The following PDLIM1 variants were observed in gnomAD, a reference collection of about 807,000 sequenced individuals.
PDLIM1 encodes the protein PDZ and LIM domain protein 1.
Under a neutral mutation model 35.2 loss-of-function variants are expected in PDLIM1, and 25 were observed. That is an observed-to-expected ratio of 0.71 (90% confidence interval 0.52 to 0.99). The LOEUF (loss-of-function observed/expected upper bound fraction) is 0.99, where lower values mean the gene tolerates loss of function less well. PDLIM1 is among the 50% of genes least tolerant of loss of function. The pLI, the probability that PDLIM1 is intolerant of heterozygous loss-of-function variation, is 0.00. For synonymous variants in PDLIM1, 152 were observed against 154.0 expected, an observed-to-expected ratio of 0.99 and a Z score of 0.10; for missense variants, 363 against 415.3, an observed-to-expected ratio of 0.87 and a Z score of 1.09.
intron 1 of PDLIM1, among the ~76,000 whole-genome samples, chr10:95,283,373 T>C (rs1342020507): frequency 6.6e-6 from 1 of 152,164 alleles, no homozygotes; most frequent in African/African-American, 2.4e-5. Flanking sequence ...TCCAAGAACA[T>C]ACAAGCTAGT....
At chr10:95,259,719 A>C (rs1243892116) in intron 4 of PDLIM1, among the ~76,000 whole-genome samples, 1 of 152,218 alleles carries the variant, frequency 6.6e-6, no homozygotes, top group Non-Finnish European at 1.5e-5. Context: ...GCCAGGGTTA[A>C]CATCATCCTT....
At chr10:95,247,110 C>A (rs2035228098) in intron 5 of PDLIM1, 105 bp downstream of exon 5, 7 of 927,616 alleles carry the variant, frequency 7.5e-6, no homozygotes, top group South Asian at 1.8e-5. Context: ...AAAGCCCATG[C>A]CCTCCAAAGC....
At chr10:95,252,750 G>T (rs1042140304) in intron 4 of PDLIM1, among the ~76,000 whole-genome samples, 1 of 152,254 alleles carries the variant, frequency 6.6e-6, no homozygotes, top group African/African-American at 2.4e-5. Flanking sequence ...TAAAACCACA[G>T]TGGATACACT....
chr10:95,265,910 C>A (rs144233990), intron 3 of PDLIM1, among the ~76,000 whole-genome samples: 3 of 147,468 alleles, frequency 2.0e-5, no homozygotes, highest in East Asian at 2.0e-4. Context: ...CCTAAAAAAA[C>A]AAAACAGGCC....
At chr10:95,239,249 C>T (rs11188244) in intron 5 of PDLIM1, among the ~76,000 whole-genome samples, 52,543 of 152,018 alleles carry the variant, frequency 0.35, 9,597 homozygotes, top group Middle Eastern at 0.51. Context: ...AAAAACACTA[C>T]AAGAAAATCT....
At chr10:95,274,095 G>A (rs986646272) in intron 1 of PDLIM1, among the ~76,000 whole-genome samples, 2 of 151,930 alleles carry the variant, frequency 1.3e-5, no homozygotes, top group Admixed American at 1.3e-4. Context: ...TAACAAGGCC[G>A]CTAAAGCCAG....
At chr10:95,248,392 G>C (rs976267711) in intron 4 of PDLIM1, among the ~76,000 whole-genome samples, 2 of 152,172 alleles carry the variant, frequency 1.3e-5, no homozygotes, top group African/African-American at 4.8e-5. Flanking sequence ...AGGACTACAG[G>C]TGTGCCACCA....
At position 95,263,875 on chromosome 10, in the gene PDLIM1, C is replaced by G. The variant is rs777131171; in HGVS notation, c.522G>C (p.Ala174=). 1.2e-6 allele frequency: 2 copies of G among 1,611,700 alleles called. No individual in the cohort carries two copies. Among genetic ancestry groups the G allele is most frequent in the East Asian group, 4.5e-5 (2 of 44,878 alleles). Residue 174 remains alanine (A), a synonymous_variant, in exon 4 of 7, where the codon GCG becomes GCC. Transcript: ENST00000329399. ...ESKTAASGVE[A]NSRPLDHAQP... ...CCTGGGCTACTTACGGTCTGCTGTT[C>G]GCCTCCACCCCGCTGGCAGCAGTCT...
chr10:95,238,693 G>A lies in PDLIM1; in HGVS notation c.686-8C>T, dbSNP rs190654687. On this transcript the variant is annotated splice_polypyrimidine_tract_variant and splice_region_variant and intron_variant, in intron 5 of 6. Transcript: ENST00000329399. ...AGGGCTTGTTGGGATCCCCTGAAAT[G>A]AGGAAAACACTGTCATTGGCCAGGA... 5 of 1,559,662 alleles carry A rather than the reference G, an allele frequency of 3.2e-6. No homozygotes were observed. The highest frequency in any genetic ancestry group is 2.7e-5 in the African/African-American group (2 of 73,946).
chr10:95,275,127 G>C (rs2035499990), intron 1 of PDLIM1, among the ~76,000 whole-genome samples: 1 of 152,092 alleles, frequency 6.6e-6, no homozygotes, highest in Non-Finnish European at 1.5e-5. Flanking sequence ...TCAGGCTTTT[G>C]CATTTCTGAC....
chr10:95,267,722 A>G (rs1339346561), intron 3 of PDLIM1, among the ~76,000 whole-genome samples: 1 of 152,236 alleles, frequency 6.6e-6, no homozygotes, highest in Admixed American at 6.5e-5. Flanking sequence ...AAGTGAGTTC[A>G]ACTTCATACA....
intron 5 of PDLIM1, among the ~76,000 whole-genome samples, chr10:95,242,209 G>A (rs775248624): frequency 6.6e-6 from 1 of 152,234 alleles, no homozygotes; most frequent in Admixed American, 6.5e-5. Context: ...CCACCTTGGT[G>A]CTTCTGTTCT....
Position 95,268,763 on chromosome 10 carries a change from T to G in PDLIM1, c.333+15A>C. On this transcript the variant is annotated intron_variant, in intron 3 of 6. Transcript: ENST00000329399. The stretch of plus-strand genomic sequence containing the variant: ...TGGGTGGTGAGAGCAGCGGCAACGA[T>G]GAGCAAGAACTTACCTGGGGTTCAG... 5 of 1,563,036 alleles carry G rather than the reference T, an allele frequency of 3.2e-6. No individual in the cohort carries two copies. The highest frequency in any genetic ancestry group is 4.5e-5 in the East Asian group (2 of 44,604).
intron 4 of PDLIM1, among the ~76,000 whole-genome samples, chr10:95,251,882 G>A (rs2035271014): frequency 6.6e-6 from 1 of 152,170 alleles, no homozygotes; most frequent in Admixed American, 6.5e-5. Flanking sequence ...GAGCTCCCAG[G>A]GTGTTCTTGT....
intron 4 of PDLIM1, among the ~76,000 whole-genome samples, chr10:95,254,015 A>C (rs1414946363): frequency 6.6e-6 from 1 of 152,220 alleles, no homozygotes; most frequent in Non-Finnish European, 1.5e-5. Context: ...TACAAATAAA[A>C]ATGTTATTCT....
chr10:95,281,317 G>T (rs971191126), intron 1 of PDLIM1, among the ~76,000 whole-genome samples: 1 of 151,128 alleles, frequency 6.6e-6, no homozygotes, highest in African/African-American at 2.4e-5. Flanking sequence ...GATGGCTCAT[G>T]CCTATAATCC....
At position 95,238,080 on chromosome 10, in the gene PDLIM1, G is replaced by A. The variant is rs768989089; in HGVS notation, c.835C>T (p.Arg279Cys). The change falls in exon 7 of 7, where the codon CGC (arginine) becomes TGC (cysteine). Residue 279 changes from arginine to cysteine, a missense_variant. Physicochemically the swap from Arg to Cys is radical, Grantham distance 180. Transcript: ENST00000329399. ...GTGCACACATAACACTCAGGGTGGC[G>A]GTGACGGTCCCGCAGCTTCACAAAC... ...GVFVKLRDRHRHPECYVCTDC... is the reference protein window; with the variant it reads ...GVFVKLRDRHCHPECYVCTDC... 16 of 1,613,982 alleles carry A rather than the reference G, an allele frequency of 9.9e-6. No homozygotes were observed. Among genetic ancestry groups the A allele is most frequent in the South Asian group, 5.5e-5 (5 of 91,034 alleles).
chr10:95,267,355 T>A (rs2035425170), intron 3 of PDLIM1, among the ~76,000 whole-genome samples: 1 of 152,118 alleles, frequency 6.6e-6, no homozygotes, highest in Non-Finnish European at 1.5e-5. Flanking sequence ...ATGTAAAAAT[T>A]AAAATTTAAC....
chr10:95,278,522 G>C (rs2035533671), intron 1 of PDLIM1, among the ~76,000 whole-genome samples: 1 of 152,028 alleles, frequency 6.6e-6, no homozygotes, highest in Admixed American at 6.6e-5. Context: ...GGGCCTAAAG[G>C]TGGAATCACG....
Sources: allele counts gnomAD v4.1 joint callset (sites outside exome capture counted in the v4.1 genomes callset), GRCh38; gene constraint gnomAD v4.1.1; transcripts MANE v1.5; gene names NCBI Gene and HGNC (gene_info 2026-07-23, HGNC 2026-07-21).